The following STAG2 variants were observed in gnomAD, a reference collection of about 807,000 sequenced individuals.
STAG2 encodes the protein cohesin subunit SA-2.
A neutral mutation model predicts 108.1 loss-of-function variants in STAG2; 14 were observed. That is an observed-to-expected ratio of 0.13 (90% CI 0.09 to 0.20). The LOEUF is 0.20. Ranked by LOEUF, STAG2 falls within the 10% of genes least tolerant of loss-of-function variation. STAG2 has a pLI of 1.00. For synonymous variants in STAG2, 307 were observed against 302.7 expected, an observed-to-expected ratio of 1.01 and a Z score of -0.15; for missense variants, 440 against 940.9, an observed-to-expected ratio of 0.47 and a Z score of 6.96.
chrX:124,057,966 C>A lies in STAG2; in HGVS notation c.1405C>A (p.Leu469Ile). Reference protein sequence around the residue: ...NLVKTLVFFFLESELHEHAAY... With the variant: ...NLVKTLVFFFIESELHEHAAY... ...TGTTAAGACATTGGTTTTTTTCTTTCTAGAAAGTGAGGTTAGTTGATAGTA... is the reference window on the plus strand; with the variant it reads ...TGTTAAGACATTGGTTTTTTTCTTTATAGAAAGTGAGGTTAGTTGATAGTA... Residue 469 changes from leucine (L) to isoleucine (I), a missense_variant, in exon 15 of 35, where the codon CTA becomes ATA. Leu to Ile is a conservative substitution (Grantham distance 5, BLOSUM62 2). This residue lies in a region of STAG2 where 337 missense variants were observed against 649.3 expected (regional missense o/e 0.52). Transcript: ENST00000371145. The A allele has an allele frequency of 1.7e-6, 2 of 1,177,599 alleles. No homozygotes were observed. Among genetic ancestry groups the A allele is most frequent in the Non-Finnish European group, 2.3e-6 (2 of 876,742 alleles).
At chrX:123,985,069 G>A (rs1396179199) in intron 1 of STAG2, among the ~76,000 whole-genome samples, 2 of 112,023 alleles carry the variant, frequency 1.8e-5, no homozygotes, top group African/African-American at 6.5e-5. Flanking sequence ...AGATCTGAGA[G>A]GCTTGTCAGT....
intron 34 of STAG2, among the ~76,000 whole-genome samples, chrX:124,098,952 A>G (rs1293660022): frequency 8.9e-6 from 1 of 112,022 alleles, no homozygotes; most frequent in Admixed American, 9.5e-5. Flanking sequence ...CAGAATTGCC[A>G]AAATACACTG....
intron 4 of STAG2, among the ~76,000 whole-genome samples, chrX:124,027,940 T>C (rs534869121): frequency 8.9e-6 from 1 of 111,848 alleles, no homozygotes; most frequent in African/African-American, 3.2e-5. Flanking sequence ...CATTTTTTTT[T>C]CTAGCACAGC....
At chrX:123,977,405 GT>G (rs1361781617) in intron 1 of STAG2, among the ~76,000 whole-genome samples, 6 of 110,236 alleles carry the variant, frequency 5.4e-5, no homozygotes, top group Non-Finnish European at 9.5e-5. Flanking sequence ...TCCAGTTTGT[GT>G]TTTGGTTTTC....
intron 1 of STAG2, among the ~76,000 whole-genome samples, chrX:124,015,088 G>A (rs2056668262): frequency 2.1e-5 from 2 of 93,517 alleles, no homozygotes; most frequent in African/African-American, 4.0e-5. Context: ...CCGGGTTCAC[G>A]CCATTCTTCT....
intron 33 of STAG2, among the ~76,000 whole-genome samples, chrX:124,094,356 G>A (rs913663538): frequency 3.6e-5 from 4 of 111,318 alleles, no homozygotes; most frequent in African/African-American, 1.3e-4. Flanking sequence ...GATAACAATT[G>A]TCTGTTTGTT....
chrX:124,087,619 G>A (rs2059138359), intron 30 of STAG2, among the ~76,000 whole-genome samples: 1 of 112,023 alleles, frequency 8.9e-6, no homozygotes, highest in African/African-American at 3.2e-5. Flanking sequence ...AAGAGCAAGT[G>A]TCCCGAAAGA....
chrX:124,072,908 T>C lies in STAG2; in HGVS notation c.2533+1585T>C, dbSNP rs866472268. ...TCTTTCTTTCTTTCTTTCTTTCTTT[T>C]TTTTTTTTTTTTTTTTAGTAGAGAC... On this transcript the variant is annotated intron_variant, in intron 25 of 34. Transcript: ENST00000371145. 3.1e-3 allele frequency among the ~76,000 whole-genome samples: 278 copies of C among 90,506 alleles called. 1 individual carries two copies. Among genetic ancestry groups the C allele is most frequent in the Middle Eastern group, 0.011 (2 of 181 alleles). 78.6% of individuals were successfully genotyped at this position (90,506 alleles called of 115,157 possible). A position where few individuals can be genotyped will look rare whatever the true frequency, so the allele number is the denominator to read the frequency against.
In STAG2 at chrX:123,992,190, T is replaced by C. The variant is rs904530978; in HGVS notation, c.-162-29177T>C. On this transcript the variant is annotated intron_variant, in intron 1 of 34. Coordinates refer to ENST00000371145, the MANE Select transcript of STAG2 (RefSeq NM_001042750.2). ...TTTGTTTTGTCAGGTACCATCCATC[T>C]AGCTTTTGTGCTCTGCGTTTTTAAA... 9.0e-5 allele frequency among the ~76,000 whole-genome samples: 10 copies of C among 111,717 alleles called. No individual in the cohort carries two copies. In the South Asian group the frequency reaches 2.6e-3, roughly 29 times the overall value.
rs183759769 is a variant in STAG2 at position 124,078,522 on chromosome X, A to G, written c.2775+464A>G. Among the ~76,000 whole-genome samples the G allele has an allele frequency of 1.5e-3, 168 of 111,779 alleles. 2 individuals carry two copies. The highest frequency in any genetic ancestry group is 5.3e-3 in the African/African-American group (163 of 30,761). On this transcript the variant is annotated intron_variant, in intron 27 of 34. Coordinates refer to ENST00000371145, the MANE Select transcript of STAG2 (RefSeq NM_001042750.2). ...TGTACAACACTTAAAATTAGTGTAG[A>G]TCTATATTCATTAATGTATAAAGAG... is the stretch of plus-strand genomic sequence containing the variant.
chrX:123,964,611 A>G lies in STAG2; in HGVS notation c.-163+2755A>G, dbSNP rs1346499239. Among the ~76,000 whole-genome samples the G allele has an allele frequency of 2.7e-5, 3 of 111,206 alleles. No individual in the cohort carries two copies. The East Asian group carries it at 8.4e-4, about 31-fold the overall frequency. ...AGAATTTGGTGTTTAATGACTAGGT[A>G]GAGAAGTGGGTTGGAAAAGAAATGT... is the stretch of plus-strand genomic sequence containing the variant. On this transcript the variant is annotated intron_variant, in intron 1 of 34. Coordinates refer to ENST00000371145, the MANE Select transcript of STAG2 (RefSeq NM_001042750.2).
At position 123,978,581 on chromosome X, in the gene STAG2, C is replaced by T. The variant is rs776505082; in HGVS notation, c.-163+16725C>T. ...GGAGATAGCAGAGGATTGGGCAAAT[C>T]TTTGATCCTCAAGATTCCCCAGCTG... On this transcript the variant is annotated intron_variant, in intron 1 of 34. Transcript: ENST00000371145. Among the ~76,000 whole-genome samples, 11 of 111,426 alleles carry T rather than the reference C, an allele frequency of 9.9e-5. No homozygotes were observed. The East Asian group carries it at 2.8e-3, about 28-fold the overall frequency.
chrX:124,060,225 G>A (rs781140593), intron 15 of STAG2, among the ~76,000 whole-genome samples: 16 of 110,972 alleles, frequency 1.4e-4, no homozygotes, highest in Non-Finnish European at 2.5e-4. Flanking sequence ...TGCCTCCCAC[G>A]TTCAAGTGAT....
chrX:124,049,706 CCAAAATAT>C (rs1369575684), intron 10 of STAG2, among the ~76,000 whole-genome samples: 1 of 111,914 alleles, frequency 8.9e-6, no homozygotes, highest in Non-Finnish European at 1.9e-5. Flanking sequence ...TGCAGTTTTG[CCAAAATAT>C]CCTTTTATTG....
intron 1 of STAG2, among the ~76,000 whole-genome samples, chrX:124,011,786 A>T (rs1327275597): frequency 9.1e-6 from 1 of 109,706 alleles, no homozygotes; most frequent in Non-Finnish European, 1.9e-5. Context: ...CACCTGTCCC[A>T]CTCTCATAAC....
intron 32 of STAG2, 124 bp downstream of exon 32, chrX:124,091,088 G>A (rs2059242679): frequency 7.5e-6 from 4 of 530,406 alleles, no homozygotes; most frequent in Non-Finnish European, 1.2e-5. Flanking sequence ...AAATAATCAA[G>A]GAACTAAAAA....
intron 34 of STAG2, among the ~76,000 whole-genome samples, chrX:124,097,264 C>T (rs766513175): frequency 9.3e-6 from 1 of 107,412 alleles, no homozygotes; most frequent in African/African-American, 3.4e-5. Flanking sequence ...CTAACAAATG[C>T]TGTCAGTGCT....
At position 124,030,948 on chromosome X, in the gene STAG2, AT is replaced by A. The variant is rs746193588; in HGVS notation, c.124-7del. The A allele has an allele frequency of 1.7e-6, 2 of 1,185,297 alleles. No homozygotes were observed. The highest frequency in any genetic ancestry group is 2.4e-4 in the Middle Eastern group (1 of 4,225). ...TAGTGATATAACTTAACCACCTCGT[AT>A]TTTTTATGCAGACTTGTAAAAAAGG... On this transcript the variant is annotated splice_polypyrimidine_tract_variant and intron_variant, in intron 4 of 34. Coordinates refer to ENST00000371145, the MANE Select transcript of STAG2 (RefSeq NM_001042750.2).
rs2059522386 is a variant in STAG2 at position 124,102,575 on chromosome X, T to A, written c.*1978T>A. On this transcript the variant is annotated 3_prime_UTR_variant, in exon 35 of 35. Transcript: ENST00000371145. Reference sequence around the variant, plus strand: ...TTGCAAATTTATATCTATTATCACATCTTTTAATGTGTTTGGGGAATAATT... The same window carrying A: ...TTGCAAATTTATATCTATTATCACAACTTTTAATGTGTTTGGGGAATAATT... The A allele has an allele frequency of 6.8e-6, 1 of 146,385 alleles. No homozygotes were observed. Among genetic ancestry groups the A allele is most frequent in the South Asian group, 3.3e-4 (1 of 3,033 alleles). 12.1% of individuals were successfully genotyped at this position (146,385 alleles called of 1,213,427 possible).
Sources: gnomAD v4.1 joint callset for allele counts (sites outside exome capture counted in the v4.1 genomes callset) on GRCh38, gnomAD v4.1.1 for gene constraint, gnomAD v4.1.1 regional missense constraint, MANE v1.5 for transcripts, NCBI Gene and HGNC (gene_info 2026-07-23, HGNC 2026-07-21) for gene names.